TDRD12: variants seen among roughly 807,000 people sequenced by gnomAD.
TDRD12 encodes putative ATP-dependent RNA helicase TDRD12.
In TDRD12, 158 loss-of-function variants were observed where a neutral mutation model predicts 133.5. The observed-to-expected ratio is 1.18, with a 90% confidence interval of 1.04 to 1.35. The LOEUF is 1.35. Among genes scored for constraint, TDRD12 ranks in the 40% most tolerant of loss-of-function variants. TDRD12 has a pLI of 0.00. For missense variants in TDRD12, 1,443 were observed against 1,321.3 expected, an observed-to-expected ratio of 1.09 and a Z score of -1.43; for synonymous variants, 460 against 477.9, an observed-to-expected ratio of 0.96 and a Z score of 0.49.
rs1162347194 is a variant in TDRD12 at position 32,729,778 on chromosome 19, C to CTTTT, written c.25-1922_25-1919dup. On this transcript the variant is annotated intron_variant, in intron 1 of 27. Transcript: ENST00000444215. ...TTTCTGGTGACTACTTTTTCTTTTT[C>CTTTT]TTTTTTTTTTTTTTTTTTTTTTTTT... is the stretch of plus-strand genomic sequence containing the variant. Among the ~76,000 whole-genome samples the CTTTT allele has an allele frequency of 1.7e-3, 128 of 73,712 alleles. 1 individual carries two copies. Among genetic ancestry groups the CTTTT allele is most frequent in the South Asian group, 2.1e-3 (4 of 1,872 alleles). The allele number at this position is 73,712 out of a possible 152,430, so 48.4% of individuals were successfully genotyped here. A position where few individuals can be genotyped will look rare whatever the true frequency, so the allele number is the denominator to read the frequency against.
At chr19:32,817,104 T>C (rs976201497) in intron 26 of TDRD12, among the ~76,000 whole-genome samples, 10 of 152,224 alleles carry the variant, frequency 6.6e-5, no homozygotes, top group Non-Finnish European at 1.2e-4. Flanking sequence ...ATTCCTTCAA[T>C]TGCATGTGTT....
chr19:32,793,848 G>A (rs1386465472), intron 13 of TDRD12, among the ~76,000 whole-genome samples: 1 of 145,960 alleles, frequency 6.9e-6, no homozygotes, highest in Non-Finnish European at 1.5e-5. Context: ...AGGCTGGAGT[G>A]CAATGGCATG....
intron 21 of TDRD12, 134 bp downstream of exon 21, chr19:32,803,276 G>A (rs747880695): frequency 6.3e-5 from 41 of 648,324 alleles, no homozygotes; most frequent in Admixed American, 2.0e-4. Flanking sequence ...GGGTTCCCTC[G>A]CACTCTTCCC....
Position 32,806,011 on chromosome 19 carries a change from C to T in TDRD12, c.2553-1538C>T, listed in dbSNP as rs144796786. ...CCTCCCAAAGTGCTGGGATTACAGG[C>T]GTGAGCCACCGCACCCGGCCTCCAC... is the stretch of plus-strand genomic sequence containing the variant. On this transcript the variant is annotated intron_variant, in intron 21 of 27. Transcript: ENST00000444215. Among the ~76,000 whole-genome samples, 543 of 152,212 alleles carry T rather than the reference C, an allele frequency of 3.6e-3. 2 individuals are homozygous for T. The highest frequency in any genetic ancestry group is 0.013 in the African/African-American group (527 of 41,512).
At chr19:32,816,633 T>C (rs941196761) in intron 26 of TDRD12, among the ~76,000 whole-genome samples, 2 of 152,208 alleles carry the variant, frequency 1.3e-5, no homozygotes, top group African/African-American at 4.8e-5. Flanking sequence ...CTTACAAATA[T>C]ATTTCTGACG....
exon 1 of TDRD12, chr19:32,719,941 C>A (rs979680144): frequency 6.8e-5 from 79 of 1,164,334 alleles, no homozygotes; most frequent in Admixed American, 6.1e-4. Context: ...GCGGGGGGCC[C>A]AGGCGCTAAA....
intron 1 of TDRD12, among the ~76,000 whole-genome samples, chr19:32,720,670 A>C (rs1010071480): frequency 0.023 from 11 of 470 alleles, no homozygotes; most frequent in African/African-American, 0.024. Flanking sequence ...CCTTATTCCC[A>C]CCGCCCCCAC....
At chr19:32,722,671 T>A (rs972568723) in intron 1 of TDRD12, among the ~76,000 whole-genome samples, 6 of 126,624 alleles carry the variant, frequency 4.7e-5, no homozygotes, top group South Asian at 2.5e-4. Context: ...TTTTATTATT[T>A]AAAAAAAATT....
intron 8 of TDRD12, among the ~76,000 whole-genome samples, chr19:32,764,103 C>CTTTTTTTTTTTTTT (rs5827820): frequency 2.8e-5 from 2 of 72,324 alleles, no homozygotes; most frequent in African/African-American, 5.7e-5. Flanking sequence ...TATTGTCCAT[C>CTTTTTTTTTTTTTT]TTTTTTTTTT....
chr19:32,811,143 G>T, intron 23 of TDRD12, 67 bp from the exon 24 acceptor site: 1 of 1,228,838 alleles, frequency 8.1e-7, no homozygotes, highest in Non-Finnish European at 1.1e-6. Context: ...CCATTTCATG[G>T]TAATTTGAGG....
intron 8 of TDRD12, among the ~76,000 whole-genome samples, chr19:32,760,260 TA>T (rs1339287866): frequency 6.6e-6 from 1 of 152,102 alleles, no homozygotes; most frequent in African/African-American, 2.4e-5. Context: ...TGGTGAACAA[TA>T]ACAAAAAAGA....
chr19:32,748,451 G>T (rs553306728), intron 4 of TDRD12, 25 bp from the exon 5 acceptor site: 2 of 1,548,192 alleles, frequency 1.3e-6, no homozygotes, highest in South Asian at 1.2e-5. Context: ...TTATGTAATG[G>T]AGTTGCATCT....
chr19:32,815,624 A>G lies in TDRD12; in HGVS notation c.3314+4A>G. 1 of 1,528,028 alleles carries G rather than the reference A, an allele frequency of 6.5e-7. No homozygotes were observed. Among genetic ancestry groups the G allele is most frequent in the Non-Finnish European group, 8.7e-7 (1 of 1,144,214 alleles). The allele number at this position is 1,528,028 out of a possible 1,614,324, so 94.7% of individuals were successfully genotyped here. A position where few individuals can be genotyped will look rare whatever the true frequency, so the allele number is the denominator to read the frequency against. On this transcript the variant is annotated splice_donor_region_variant and intron_variant, in intron 26 of 27. Coordinates refer to ENST00000444215, the Ensembl canonical transcript of TDRD12. ...AAGAAAGCCTAAGCCAGACCCCGTAAGTGGATTTCTGTCTCCTTTTTGGAA... is the reference window on the plus strand; with the variant it reads ...AAGAAAGCCTAAGCCAGACCCCGTAGGTGGATTTCTGTCTCCTTTTTGGAA...
chr19:32,757,809 C>G (rs935086294), intron 8 of TDRD12, among the ~76,000 whole-genome samples: 4 of 152,180 alleles, frequency 2.6e-5, no homozygotes, highest in Non-Finnish European at 5.9e-5. Context: ...CAAGTGAGGA[C>G]TTACTGATAC....
intron 1 of TDRD12, among the ~76,000 whole-genome samples, chr19:32,721,632 C>T (rs991273361): frequency 6.6e-4 from 100 of 151,912 alleles, no homozygotes; most frequent in African/African-American, 2.2e-3. Flanking sequence ...CACCTGCCTC[C>T]GCCTCCCAAA....
intron 8 of TDRD12, among the ~76,000 whole-genome samples, chr19:32,769,863 C>T (rs1450882997): frequency 3.3e-5 from 5 of 151,904 alleles, no homozygotes; most frequent in Middle Eastern, 3.2e-3. Context: ...CTCGAACTCC[C>T]GACCTCAGGT....
At chr19:32,820,127 C>T (rs778442128) in intron 27 of TDRD12, among the ~76,000 whole-genome samples, 13 of 152,056 alleles carry the variant, frequency 8.5e-5, no homozygotes, top group Admixed American at 1.3e-4. Flanking sequence ...GGGGCGGTGG[C>T]TCAGGACGCT....
intron 11 of TDRD12, among the ~76,000 whole-genome samples, chr19:32,780,823 G>A (rs1970742436): frequency 6.9e-6 from 1 of 145,414 alleles, no homozygotes; most frequent in Non-Finnish European, 1.5e-5. Context: ...GGGTCTCACT[G>A]TGTTGCCTAG....
At chr19:32,785,884 A>G (rs888734160) in intron 11 of TDRD12, among the ~76,000 whole-genome samples, 13 of 151,832 alleles carry the variant, frequency 8.6e-5, no homozygotes, top group Admixed American at 2.6e-4. Flanking sequence ...TCTTTATCCA[A>G]TTTGCCAGTC....
Sources: gnomAD v4.1 joint callset for allele counts (sites outside exome capture counted in the v4.1 genomes callset) on GRCh38, gnomAD v4.1.1 for gene constraint, MANE v1.5 for transcripts, NCBI Gene and HGNC (gene_info 2026-07-23, HGNC 2026-07-21) for gene names.